KIRREL3: variants seen among roughly 807,000 people sequenced by gnomAD.
The protein encoded by KIRREL3 is kirre like nephrin family adhesion molecule 3, also known as kin of IRRE-like protein 3.
A neutral mutation model predicts 89.7 loss-of-function variants in KIRREL3; 36 were observed. The ratio of observed to expected loss-of-function variants is 0.40; its 90% CI spans 0.31 to 0.53. The LOEUF is 0.53. KIRREL3 is among the 20% of genes least tolerant of loss of function. The pLI, the probability that KIRREL3 is intolerant of heterozygous loss-of-function variation, is 0.49. For missense variants in KIRREL3, 864 were observed against 1,056.6 expected (o/e 0.82, Z 2.53); for synonymous variants, 445 against 441.4 (o/e 1.01, Z -0.10).
chr11:126,702,988 C>T (rs1429498768), intron 1 of KIRREL3, among the ~76,000 whole-genome samples: 2 of 152,220 alleles, frequency 1.3e-5, no homozygotes, highest in Non-Finnish European at 2.9e-5. Context: ...GCAATTGTTG[C>T]TTTTTCCTCT....
chr11:126,923,187 C>CTTCTCTTCTTCTTCT (rs1555090325), intron 1 of KIRREL3, among the ~76,000 whole-genome samples: 1 of 23,816 alleles, frequency 4.2e-5, no homozygotes. Flanking sequence ...TCTTCTTCTT[C>CTTCTCTTCTTCTTCT]TCTTCTTCTT....
At position 126,842,078 on chromosome 11, in the gene KIRREL3, C is replaced by T. The variant is rs376963831; in HGVS notation, c.55+158377G>A. ...TGAGCTTTGCAGCAGAGAAGAGGCA[C>T]GGCAGAGGAGAGAAGAGAGCGCTTT... On this transcript the variant is annotated intron_variant, in intron 1 of 16. Coordinates refer to ENST00000525144, the MANE Select transcript of KIRREL3 (RefSeq NM_032531.4). 1.2e-3 allele frequency among the ~76,000 whole-genome samples: 184 copies of T among 152,058 alleles called. 3 individuals are homozygous for T. In the South Asian group the frequency reaches 0.036, roughly 30 times the overall value.
intron 4 of KIRREL3, among the ~76,000 whole-genome samples, chr11:126,480,709 C>T (rs1957193169): frequency 6.6e-6 from 1 of 152,236 alleles, no homozygotes; most frequent in Non-Finnish European, 1.5e-5. Context: ...ACTCTCCTCC[C>T]TTCCCTCCCC....
Position 126,566,079 on chromosome 11 carries a change from G to A in KIRREL3, c.56-3167C>T, listed in dbSNP as rs558150257. On this transcript the variant is annotated intron_variant, in intron 1 of 16. Coordinates refer to ENST00000525144, the MANE Select transcript of KIRREL3 (RefSeq NM_032531.4). This position sits in a 1 kb window ranked among gnomAD's most constrained non-coding sequence, Gnocchi z 4.9. The stretch of plus-strand genomic sequence containing the variant: ...GATCTTCTCCAAGTAGGCTTTGGGG[G>A]TGCTGTCTTTGGCTTTATCAGTAGC... Among the ~76,000 whole-genome samples the A allele has an allele frequency of 3.3e-5, 5 of 152,276 alleles. No individual in the cohort carries two copies. The highest frequency in any genetic ancestry group is 1.2e-4 in the African/African-American group (5 of 41,550).
chr11:126,452,878 A>G (rs1383245161), intron 7 of KIRREL3, among the ~76,000 whole-genome samples: 2 of 152,070 alleles, frequency 1.3e-5, no homozygotes, highest in Non-Finnish European at 2.9e-5. Flanking sequence ...CTGCACTGAA[A>G]AACCCTCTGA....
At chr11:126,849,171 T>C (rs4937202) in intron 1 of KIRREL3, among the ~76,000 whole-genome samples, 129,229 of 152,108 alleles carry the variant, frequency 0.85, 55,103 homozygotes, top group East Asian at 1. Context: ...CAAAACCCAC[T>C]CAAACCAAGA....
In KIRREL3 at chr11:126,849,116, C is replaced by T. The variant is rs143318023; in HGVS notation, c.55+151339G>A. ...TAGGAGGTCGACACAAGAGGCAGGT[C>T]ATAAAGACCTTGTTGATAAAACAGT... On this transcript the variant is annotated intron_variant, in intron 1 of 16. Transcript: ENST00000525144. 5.8e-3 allele frequency among the ~76,000 whole-genome samples: 877 copies of T among 152,246 alleles called. 10 individuals carry two copies. Among genetic ancestry groups the T allele is most frequent in the South Asian group, 0.016 (76 of 4,816 alleles).
rs563388096 is a variant in KIRREL3 at position 126,564,566 on chromosome 11, G to C, written c.56-1654C>G. 1.3e-5 allele frequency among the ~76,000 whole-genome samples: 2 copies of C among 152,288 alleles called. No homozygotes were observed. Among genetic ancestry groups the C allele is most frequent in the African/African-American group, 4.8e-5 (2 of 41,562 alleles). ...TTCCTTCCCCTCCACACTGGCGTCT[G>C]AAGGCTTAGCCAAACCGCCCTCACT... On this transcript the variant is annotated intron_variant, in intron 1 of 16. Coordinates refer to ENST00000525144, the MANE Select transcript of KIRREL3 (RefSeq NM_032531.4). This position sits in a 1 kb window ranked among gnomAD's most constrained non-coding sequence, Gnocchi z 7.4.
intron 1 of KIRREL3, among the ~76,000 whole-genome samples, chr11:126,737,262 G>T (rs1234799217): frequency 6.6e-6 from 1 of 152,120 alleles, no homozygotes; most frequent in African/African-American, 2.4e-5. Flanking sequence ...TGGGGCTCAG[G>T]AAGGGGGCAG....
chr11:126,901,075 A>T (rs958614671), intron 1 of KIRREL3, among the ~76,000 whole-genome samples: 9 of 152,064 alleles, frequency 5.9e-5, no homozygotes, highest in Admixed American at 6.6e-5. Flanking sequence ...TTAACTGTGC[A>T]TGGTGGCGCA....
Position 126,943,981 on chromosome 11 carries a change from C to T in KIRREL3, c.55+56474G>A, listed in dbSNP as rs1451047018. 3.3e-5 allele frequency among the ~76,000 whole-genome samples: 5 copies of T among 152,178 alleles called. No homozygotes were observed. The highest frequency in any genetic ancestry group is 7.3e-5 in the Non-Finnish European group (5 of 68,036). ...ACAGCAGAGGCAGGAAGTTTGCTCT[C>T]ACCTTCCCCTCGCCTTTCTCCCCTG... On this transcript the variant is annotated intron_variant, in intron 1 of 16. Transcript: ENST00000525144. This position sits in a 1 kb window ranked among gnomAD's most constrained non-coding sequence, Gnocchi z 4.2.
intron 1 of KIRREL3, among the ~76,000 whole-genome samples, chr11:126,856,745 A>G (rs1027365062): frequency 1.3e-5 from 2 of 151,636 alleles, no homozygotes; most frequent in African/African-American, 2.4e-5. Flanking sequence ...CCTCCTGAGT[A>G]GCTGGGACTA....
rs971918134 is a variant in KIRREL3, at chr11:126,447,593, A to G, written c.998-707T>C. Among the ~76,000 whole-genome samples the G allele has an allele frequency of 4.6e-5, 7 of 152,160 alleles. No individual in the cohort carries two copies. The East Asian group carries it at 1.4e-3, about 29-fold the overall frequency. Reference sequence around the variant, plus strand: ...CTTCCGACCCCTCTCCTAAGCATTAAAGAGCTGAATGCAGGCTCCTCTCCA... The same window carrying G: ...CTTCCGACCCCTCTCCTAAGCATTAGAGAGCTGAATGCAGGCTCCTCTCCA... On this transcript the variant is annotated intron_variant, in intron 8 of 16. Transcript: ENST00000525144.
In KIRREL3 at chr11:126,704,854, A is replaced by G. The variant is rs1306270816; in HGVS notation, c.56-141942T>C. Among the ~76,000 whole-genome samples the G allele has an allele frequency of 2.6e-5, 4 of 152,228 alleles. No homozygotes were observed. The highest frequency in any genetic ancestry group is 9.6e-5 in the African/African-American group (4 of 41,456). ...AAGATACTGGGATTCTCAATAGGCCATCACCCAAGGGAAGCAGTATTCTCC... is the reference window on the plus strand; with the variant it reads ...AAGATACTGGGATTCTCAATAGGCCGTCACCCAAGGGAAGCAGTATTCTCC... On this transcript the variant is annotated intron_variant, in intron 1 of 16. Transcript: ENST00000525144. The surrounding 1 kb of genome is among the most constrained non-coding windows in gnomAD (Gnocchi z 4.2).
rs1007069080 is a variant in KIRREL3, at chr11:126,527,864, C to A, written c.134-1177G>T. Among the ~76,000 whole-genome samples, 1 of 152,122 alleles carries A rather than the reference C, an allele frequency of 6.6e-6. No individual in the cohort carries two copies. Among genetic ancestry groups the A allele is most frequent in the African/African-American group, 2.4e-5 (1 of 41,400 alleles). Reference sequence around the variant, plus strand: ...CCAAGCCTGGCCTTGGAGGGAGTTGCTGATGAAGAGGTGTGATGTGATCTG... The same window carrying A: ...CCAAGCCTGGCCTTGGAGGGAGTTGATGATGAAGAGGTGTGATGTGATCTG... On this transcript the variant is annotated intron_variant, in intron 2 of 16. Coordinates refer to ENST00000525144, the MANE Select transcript of KIRREL3 (RefSeq NM_032531.4). This position sits in a 1 kb window ranked among gnomAD's most constrained non-coding sequence, Gnocchi z 4.2.
chr11:126,932,117 G>A (rs570151824), intron 1 of KIRREL3, among the ~76,000 whole-genome samples: 2 of 152,264 alleles, frequency 1.3e-5, no homozygotes, highest in South Asian at 4.2e-4. Context: ...ACCTCCCAGA[G>A]CAGAGTTCAT....
rs1178676473 is a variant in KIRREL3 at position 126,575,695 on chromosome 11, G to GAAC, written c.56-12786_56-12784dup. On this transcript the variant is annotated intron_variant, in intron 1 of 16. Coordinates refer to ENST00000525144, the MANE Select transcript of KIRREL3 (RefSeq NM_032531.4). This position sits in a 1 kb window ranked among gnomAD's most constrained non-coding sequence, Gnocchi z 7.0. The stretch of plus-strand genomic sequence containing the variant: ...GAGTTAATACCCACAGCAGCTCAAG[G>GAAC]AACAGCTTTGTTCAGCTCTCAGAGG... Among the ~76,000 whole-genome samples the GAAC allele has an allele frequency of 6.6e-6, 1 of 152,130 alleles. No homozygotes were observed. Among genetic ancestry groups the GAAC allele is most frequent in the Non-Finnish European group, 1.5e-5 (1 of 68,034 alleles).
intron 4 of KIRREL3, among the ~76,000 whole-genome samples, chr11:126,518,426 CAA>C (rs1304226015): frequency 6.6e-6 from 1 of 152,238 alleles, no homozygotes; most frequent in Non-Finnish European, 1.5e-5. Context: ...CTGTTCTAGC[CAA>C]AGTGTTTGCT....
At position 126,995,066 on chromosome 11, in the gene KIRREL3, T is replaced by C. The variant is rs1164887470; in HGVS notation, c.55+5389A>G. 2.6e-6 allele frequency: 1 copy of C among 382,358 alleles called. No individual in the cohort carries two copies. Among genetic ancestry groups the C allele is most frequent in the Non-Finnish European group, 5.2e-6 (1 of 193,290 alleles). 23.7% of individuals were successfully genotyped at this position (382,358 alleles called of 1,614,324 possible). On this transcript the variant is annotated intron_variant, in intron 1 of 16. Transcript: ENST00000525144. The surrounding 1 kb of genome is among the most constrained non-coding windows in gnomAD (Gnocchi z 6.5). ...CTAACTGGAAATAAAAATCCCACTCTACTTGGAATACAGGATGAAGCGATT... is the reference window on the plus strand; with the variant it reads ...CTAACTGGAAATAAAAATCCCACTCCACTTGGAATACAGGATGAAGCGATT...
Sources: gnomAD v4.1 joint callset for allele counts (sites outside exome capture counted in the v4.1 genomes callset) on GRCh38, gnomAD v4.1.1 for gene constraint, Gnocchi (gnomAD v3.1) non-coding constraint, MANE v1.5 for transcripts, NCBI Gene and HGNC (gene_info 2026-07-23, HGNC 2026-07-21) for gene names.